Variants in MGAT4C observed in about 807,000 individuals in gnomAD.
MGAT4C encodes the protein alpha-1,3-mannosyl-glycoprotein 4-beta-N-acetylglucosaminyltransferase C.
In MGAT4C, 19 loss-of-function variants were observed where a neutral mutation model predicts 40.1. The observed-to-expected ratio is 0.47, with a 90% confidence interval of 0.33 to 0.70. MGAT4C has a LOEUF of 0.70. Among genes scored for constraint, MGAT4C ranks in the 30% least tolerant of loss-of-function variants. The pLI is 0.02. For missense variants in MGAT4C, 491 were observed against 563.2 expected (o/e 0.87, Z 1.30); for synonymous variants, 181 against 187.1 (o/e 0.97, Z 0.27).
At chr12:86,049,800 T>G in intron 1 of MGAT4C, 77 bp from the exon 2 acceptor site, 5 of 481,510 alleles carry the variant, frequency 1.0e-5, no homozygotes, top group Non-Finnish European at 1.4e-5. Context: ...AAAAGTATTC[T>G]CTGTAATAAC....
intron 1 of MGAT4C, among the ~76,000 whole-genome samples, chr12:86,748,952 T>C (rs1951194492): frequency 6.6e-6 from 1 of 151,324 alleles, no homozygotes; most frequent in Non-Finnish European, 1.5e-5. Context: ...TAACCTTTTT[T>C]TTTTTTCAAT....
chr12:86,447,133 T>A (rs1189744078), intron 2 of MGAT4C, among the ~76,000 whole-genome samples: 1 of 152,120 alleles, frequency 6.6e-6, no homozygotes, highest in East Asian at 1.9e-4. Flanking sequence ...TTTGTTTGTT[T>A]GTTTGTTTTG....
rs76037084 is a variant in MGAT4C at position 86,740,900 on chromosome 12, A to G, written c.-261-13659T>C. 0.019 allele frequency among the ~76,000 whole-genome samples: 2,910 copies of G among 151,228 alleles called. 215 individuals are homozygous for G. In the East Asian group the frequency reaches 0.25, roughly 13 times the overall value. On this transcript the variant is annotated intron_variant, in intron 1 of 7. Transcript: ENST00000548651. ...GAGAGTACATTTGCAGGTTTGTTAC[A>G]TGGGTATATGATGTGATATTGAGGT... is the stretch of plus-strand genomic sequence containing the variant.
chr12:86,548,052 A>G (rs1328315798), intron 2 of MGAT4C, among the ~76,000 whole-genome samples: 1 of 152,152 alleles, frequency 6.6e-6, no homozygotes, highest in Non-Finnish European at 1.5e-5. Context: ...AGATCATGAT[A>G]CATACATATG....
At chr12:86,479,105 TAG>T (rs1957889754) in intron 2 of MGAT4C, among the ~76,000 whole-genome samples, 1 of 152,008 alleles carries the variant, frequency 6.6e-6, no homozygotes, top group African/African-American at 2.4e-5. Context: ...TCAAATTCTA[TAG>T]ACTTTCTAAA....
At chr12:86,760,176 A>T (rs2136150876) in intron 1 of MGAT4C, among the ~76,000 whole-genome samples, 1 of 152,268 alleles carries the variant, frequency 6.6e-6, no homozygotes, top group East Asian at 1.9e-4. Context: ...GGGAAAAGAC[A>T]GCCTCTTCAA....
At chr12:86,427,228 T>A (rs531816500) in intron 3 of MGAT4C, among the ~76,000 whole-genome samples, 24 of 152,268 alleles carry the variant, frequency 1.6e-4, no homozygotes, top group Non-Finnish European at 2.8e-4. Context: ...CATTTACACA[T>A]AAATGGACAT....
At chr12:86,683,988 C>T (rs1950027814) in intron 2 of MGAT4C, among the ~76,000 whole-genome samples, 1 of 152,162 alleles carries the variant, frequency 6.6e-6, no homozygotes, top group Non-Finnish European at 1.5e-5. Flanking sequence ...ATATCATCTG[C>T]TTTTTCCTTT....
intron 1 of MGAT4C, among the ~76,000 whole-genome samples, chr12:86,728,605 C>T (rs1398882097): frequency 6.6e-6 from 1 of 152,108 alleles, no homozygotes; most frequent in Non-Finnish European, 1.5e-5. Context: ...GCAGGAGAAT[C>T]GCTTGAACCC....
At chr12:86,267,220 T>C (rs1161457958) in intron 4 of MGAT4C, among the ~76,000 whole-genome samples, 2 of 152,326 alleles carry the variant, frequency 1.3e-5, no homozygotes, top group South Asian at 2.1e-4. Flanking sequence ...ACTTTTTTAA[T>C]GCAGATATTG....
intron 2 of MGAT4C, among the ~76,000 whole-genome samples, chr12:86,024,150 T>C (rs1890041196): frequency 6.6e-6 from 1 of 151,906 alleles, no homozygotes; most frequent in Non-Finnish European, 1.5e-5. Flanking sequence ...AAAATATGCA[T>C]ATACCCATTA....
intron 4 of MGAT4C, among the ~76,000 whole-genome samples, chr12:86,289,859 T>C (rs1322831697): frequency 6.6e-6 from 1 of 152,206 alleles, no homozygotes; most frequent in East Asian, 1.9e-4. Context: ...AGTTAACTCA[T>C]AGATCATAGT....
chr12:86,343,038 G>A (rs746484812), intron 3 of MGAT4C, among the ~76,000 whole-genome samples: 36 of 152,116 alleles, frequency 2.4e-4, no homozygotes, highest in Non-Finnish European at 4.9e-4. Context: ...AGAAAGCTCA[G>A]GGCTGTTTTG....
intron 3 of MGAT4C, among the ~76,000 whole-genome samples, chr12:86,363,038 A>ACC (rs1955516815): frequency 6.6e-6 from 1 of 152,154 alleles, no homozygotes; most frequent in African/African-American, 2.4e-5. Context: ...AACAGAACTT[A>ACC]AAATTCTTGA....
chr12:86,408,086 ACACACACACATACACG>A (rs1484454224), intron 3 of MGAT4C, among the ~76,000 whole-genome samples: 1 of 152,110 alleles, frequency 6.6e-6, no homozygotes, highest in Non-Finnish European at 1.5e-5. Context: ...ATCAAGACAC[ACACACACACATACACG>A]CACACACACA....
At chr12:86,402,245 G>A (rs1345188825) in intron 3 of MGAT4C, among the ~76,000 whole-genome samples, 1 of 151,820 alleles carries the variant, frequency 6.6e-6, no homozygotes, top group Non-Finnish European at 1.5e-5. Context: ...AGGAGTTCAA[G>A]ACCACTCCGT....
chr12:86,167,101 T>C (rs1302779486), intron 1 of MGAT4C, among the ~76,000 whole-genome samples: 2 of 152,144 alleles, frequency 1.3e-5, no homozygotes, highest in South Asian at 4.1e-4. Flanking sequence ...AAGTGACACT[T>C]CTAGAAAGAC....
intron 1 of MGAT4C, among the ~76,000 whole-genome samples, chr12:86,769,366 C>T (rs1406146854): frequency 6.6e-6 from 1 of 151,546 alleles, no homozygotes; most frequent in Non-Finnish European, 1.5e-5. Context: ...AGTCTGGAAA[C>T]AGGTGCTGGA....
intron 2 of MGAT4C, chr12:86,001,939 T>C (rs931481402): frequency 6.6e-6 from 1 of 152,110 alleles, no homozygotes; most frequent in Non-Finnish European, 1.5e-5. Context: ...GACTTCAGGA[T>C]CTCTTTGGGA....
Sources: gnomAD v4.1 joint callset for allele counts (sites outside exome capture counted in the v4.1 genomes callset) on GRCh38, gnomAD v4.1.1 for gene constraint, MANE v1.5 for transcripts, NCBI Gene and HGNC (gene_info 2026-07-23, HGNC 2026-07-21) for gene names.